Variants in DPYS observed in about 807,000 individuals in gnomAD.
DPYS encodes dihydropyrimidinase.
Under a neutral mutation model 50.3 loss-of-function variants are expected in DPYS, and 39 were observed. The observed-to-expected ratio is 0.78, with a 90% CI of 0.60 to 1.01. The LOEUF (loss-of-function observed/expected upper bound fraction) is 1.01. DPYS is among the 50% of genes least tolerant of loss of function. The pLI is 0.00. For synonymous variants in DPYS, 245 were observed against 250.7 expected (o/e 0.98, Z 0.22); for missense variants, 659 against 680.9 (o/e 0.97, Z 0.36).
intron 1 of DPYS, among the ~76,000 whole-genome samples, chr8:104,455,597 C>G (rs1813896473): frequency 6.6e-6 from 1 of 152,160 alleles, no homozygotes; most frequent in Non-Finnish European, 1.5e-5. Flanking sequence ...GACATACAGA[C>G]CTGTTTCCAA....
rs187624004 is a variant in DPYS at position 104,435,296 on chromosome 8, A to G, written c.794-5595T>C. Among the ~76,000 whole-genome samples the G allele has an allele frequency of 1.5e-3, 232 of 152,236 alleles. 1 individual carries two copies. The highest frequency in any genetic ancestry group is 4.7e-3 in the East Asian group (24 of 5,138). On this transcript the variant is annotated intron_variant, in intron 4 of 9. Transcript: ENST00000351513. Reference sequence around the variant, plus strand: ...GACTGGACTGTCCACATGAAACACAATGACAACTTGTTTGTTCAACTTCAC... The same window carrying G: ...GACTGGACTGTCCACATGAAACACAGTGACAACTTGTTTGTTCAACTTCAC...
intron 6 of DPYS, among the ~76,000 whole-genome samples, chr8:104,425,293 T>A (rs1812685092): frequency 6.6e-6 from 1 of 151,632 alleles, no homozygotes; most frequent in Non-Finnish European, 1.5e-5. Flanking sequence ...AGTGGTGTGA[T>A]CATGGCTCAC....
At chr8:104,391,979 A>G (rs1235912465) in intron 8 of DPYS, among the ~76,000 whole-genome samples, 3 of 152,086 alleles carry the variant, frequency 2.0e-5, no homozygotes, top group Non-Finnish European at 4.4e-5. Flanking sequence ...CATTGTTGTC[A>G]TTTTCCAGAT....
chr8:104,421,404 C>T (rs1158917776), intron 7 of DPYS: 1 of 152,136 alleles, frequency 6.6e-6, no homozygotes, highest in East Asian at 1.9e-4. Flanking sequence ...GAGGCCGAGA[C>T]GGGCGGATCA....
At chr8:104,388,559 C>T (rs1445481043) in intron 8 of DPYS, among the ~76,000 whole-genome samples, 1 of 152,118 alleles carries the variant, frequency 6.6e-6, no homozygotes, top group African/African-American at 2.4e-5. Flanking sequence ...CTTGAACATC[C>T]AAGTTGCTCT....
intron 7 of DPYS, among the ~76,000 whole-genome samples, chr8:104,409,092 G>C (rs182327799): frequency 2.0e-5 from 3 of 151,404 alleles, no homozygotes; most frequent in African/African-American, 7.3e-5. Context: ...CACTGTGCCC[G>C]GCCACACATG....
intron 6 of DPYS, among the ~76,000 whole-genome samples, chr8:104,425,668 T>C (rs565694305): frequency 5.5e-4 from 84 of 152,254 alleles, no homozygotes; most frequent in African/African-American, 1.9e-3. Flanking sequence ...AGGTTCAATT[T>C]TATGCAATTG....
chr8:104,424,149 T>C, intron 7 of DPYS, 98 bp downstream of exon 7: 7 of 1,603,798 alleles, frequency 4.4e-6, no homozygotes, highest in East Asian at 2.2e-5. Context: ...AGAAGTCATC[T>C]AAGGAGAAGC....
At chr8:104,449,189 T>G (rs1027565552) in intron 2 of DPYS, among the ~76,000 whole-genome samples, 15 of 152,318 alleles carry the variant, frequency 9.8e-5, no homozygotes, top group Admixed American at 9.8e-4. Flanking sequence ...CCCTAACAGT[T>G]TCTAATTTTT....
intron 6 of DPYS, among the ~76,000 whole-genome samples, chr8:104,427,263 T>A (rs1812760520): frequency 6.7e-6 from 1 of 149,342 alleles, no homozygotes; most frequent in Admixed American, 6.7e-5. Flanking sequence ...GGTATGAGCA[T>A]AACGAATACG....
chr8:104,434,723 G>A lies in DPYS; in HGVS notation c.794-5022C>T, dbSNP rs151314369. Among the ~76,000 whole-genome samples the A allele has an allele frequency of 2.6e-5, 4 of 152,258 alleles. No homozygotes were observed. The East Asian group carries it at 7.7e-4, about 29-fold the overall frequency. On this transcript the variant is annotated intron_variant, in intron 4 of 9. Coordinates refer to ENST00000351513, the MANE Select transcript of DPYS (RefSeq NM_001385.3). The stretch of plus-strand genomic sequence containing the variant: ...TCTTAATCATCTTAGCAAATCTAAT[G>A]CCTAGAGCACAGTACCTAGCATGCG...
intron 7 of DPYS, among the ~76,000 whole-genome samples, chr8:104,422,637 T>C (rs1812586837): frequency 6.6e-6 from 1 of 152,252 alleles, no homozygotes. Flanking sequence ...TGCTCCCTGA[T>C]GTTATGCTTC....
At chr8:104,394,983 AT>A (rs556535451) in intron 7 of DPYS, among the ~76,000 whole-genome samples, 3 of 151,460 alleles carry the variant, frequency 2.0e-5, no homozygotes, top group East Asian at 3.9e-4. Flanking sequence ...TGAAACTAAG[AT>A]TTTTTTTAAT....
chr8:104,455,405 T>C (rs1232175081), intron 1 of DPYS, among the ~76,000 whole-genome samples: 4 of 152,136 alleles, frequency 2.6e-5, no homozygotes, highest in African/African-American at 9.7e-5. Context: ...AGGGCAATGA[T>C]TGTTTTCAGT....
At chr8:104,380,142 A>T (rs1564074651) in intron 9 of DPYS, among the ~76,000 whole-genome samples, 1 of 152,244 alleles carries the variant, frequency 6.6e-6, no homozygotes, top group South Asian at 2.1e-4. Context: ...ATAATGAAAG[A>T]ACATGGCATG....
intron 6 of DPYS, among the ~76,000 whole-genome samples, chr8:104,426,815 T>A (rs1007562163): frequency 1.3e-5 from 2 of 152,218 alleles, no homozygotes; most frequent in Non-Finnish European, 2.9e-5. Context: ...TTTGTAGTCA[T>A]GGACATTTAA....
chr8:104,452,285 A>C (rs1355129602), intron 1 of DPYS, among the ~76,000 whole-genome samples: 1 of 152,222 alleles, frequency 6.6e-6, no homozygotes, highest in African/African-American at 2.4e-5. Context: ...TAAAATCACA[A>C]GATGGTTAAT....
intron 1 of DPYS, among the ~76,000 whole-genome samples, chr8:104,462,783 G>A (rs1420550223): frequency 6.6e-6 from 1 of 152,146 alleles, no homozygotes; most frequent in Non-Finnish European, 1.5e-5. Context: ...ACTACCCATT[G>A]AATAAAAAAT....
rs999290089 is a variant in DPYS, at chr8:104,451,210, G to A, written c.423+36C>T. The A allele has an allele frequency of 3.7e-6, 6 of 1,612,486 alleles. No individual in the cohort carries two copies. In the African/African-American group the frequency reaches 5.3e-5, roughly 14 times the overall value. On this transcript the variant is annotated intron_variant, in intron 2 of 9. Coordinates refer to ENST00000351513, the MANE Select transcript of DPYS (RefSeq NM_001385.3). ...GCTCTTGTGCAGAGTGAGGACAAGAGGACAATGGGAACACATTGAAATCCA... is the reference window on the plus strand; with the variant it reads ...GCTCTTGTGCAGAGTGAGGACAAGAAGACAATGGGAACACATTGAAATCCA...
Sources: gnomAD v4.1 joint callset for allele counts (sites outside exome capture counted in the v4.1 genomes callset) on GRCh38, gnomAD v4.1.1 for gene constraint, MANE v1.5 for transcripts, NCBI Gene and HGNC (gene_info 2026-07-23, HGNC 2026-07-21) for gene names.